The following CASK variants were observed in gnomAD, a reference collection of about 807,000 sequenced individuals.
CASK encodes peripheral plasma membrane protein CASK.
Under a neutral mutation model 82.9 loss-of-function variants are expected in CASK, and 4 were observed. The ratio of observed to expected loss-of-function variants is 0.05; its 90% CI spans 0.02 to 0.11. CASK has a LOEUF of 0.11. Ranked by LOEUF, CASK falls within the 10% of genes least tolerant of loss-of-function variation. The pLI is 1.00. For synonymous variants in CASK, 259 were observed against 253.5 expected, an observed-to-expected ratio of 1.02 and a Z score of -0.20; for missense variants, 358 against 720.9, an observed-to-expected ratio of 0.50 and a Z score of 5.76.
At chrX:41,786,213 A>G (rs2069597203) in intron 3 of CASK, among the ~76,000 whole-genome samples, 1 of 111,698 alleles carries the variant, frequency 9.0e-6, no homozygotes, top group Admixed American at 9.5e-5. Context: ...GTTGGAACAC[A>G]CATTCCTGAT....
intron 11 of CASK, among the ~76,000 whole-genome samples, chrX:41,614,226 A>G (rs950177490): frequency 1.8e-5 from 2 of 110,943 alleles, no homozygotes; most frequent in East Asian, 2.8e-4. Context: ...TCCCCTCCTA[A>G]CCTGTGGCAA....
chrX:41,702,609 C>G (rs961914725), intron 5 of CASK, among the ~76,000 whole-genome samples: 2 of 109,677 alleles, frequency 1.8e-5, no homozygotes, highest in African/African-American at 6.6e-5. Context: ...TCCTGGCCAA[C>G]ATGGTGAAAC....
chrX:41,590,415 CAGG>C (rs1223307460), intron 12 of CASK, among the ~76,000 whole-genome samples: 2 of 99,720 alleles, frequency 2.0e-5, no homozygotes, highest in African/African-American at 7.5e-5. Flanking sequence ...GAGGCTGAGG[CAGG>C]AGAATTGCTT....
chrX:41,536,407 C>T (rs1264041202), intron 22 of CASK, among the ~76,000 whole-genome samples: 3 of 110,847 alleles, frequency 2.7e-5, no homozygotes, highest in Non-Finnish European at 3.8e-5. Flanking sequence ...CGTGCCCGGC[C>T]GAAATCTGCA....
chrX:41,670,494 C>T (rs1418650381), intron 6 of CASK, among the ~76,000 whole-genome samples: 3 of 112,129 alleles, frequency 2.7e-5, no homozygotes, highest in African/African-American at 6.5e-5. Context: ...CACCTGTAAT[C>T]CCAGCACTTT....
At chrX:41,707,040 T>C (rs2067898168) in intron 5 of CASK, among the ~76,000 whole-genome samples, 1 of 111,710 alleles carries the variant, frequency 9.0e-6, no homozygotes, top group Admixed American at 9.5e-5. Flanking sequence ...ATATAACAAG[T>C]CTAGTTAGAA....
At chrX:41,820,425 A>C (rs1450800591) in intron 2 of CASK, among the ~76,000 whole-genome samples, 2 of 111,180 alleles carry the variant, frequency 1.8e-5, no homozygotes, top group African/African-American at 6.5e-5. Flanking sequence ...TAGCATCAAA[A>C]ACATGAGGCC....
At chrX:41,765,016 A>G (rs970198032) in intron 3 of CASK, among the ~76,000 whole-genome samples, 5 of 112,328 alleles carry the variant, frequency 4.5e-5, no homozygotes, top group Non-Finnish European at 9.4e-5. Context: ...AAGAGCAAGT[A>G]TGTTTTTTAT....
At chrX:41,694,317 G>GCT (rs2067637451) in intron 5 of CASK, among the ~76,000 whole-genome samples, 1 of 111,738 alleles carries the variant, frequency 8.9e-6, no homozygotes, top group African/African-American at 3.3e-5. Flanking sequence ...CCTTGCTCTG[G>GCT]GCATCTTTAT....
intron 5 of CASK, among the ~76,000 whole-genome samples, chrX:41,708,714 T>C (rs1423098992): frequency 8.9e-6 from 1 of 112,385 alleles, no homozygotes; most frequent in Non-Finnish European, 1.9e-5. Flanking sequence ...AATAGTGCAA[T>C]GTGGGCAGTT....
intron 1 of CASK, among the ~76,000 whole-genome samples, chrX:41,901,869 T>G (rs779724325): frequency 8.9e-6 from 1 of 111,811 alleles, no homozygotes; most frequent in Non-Finnish European, 1.9e-5. Context: ...GCCTGAGTCT[T>G]AAGGGACTAG....
At chrX:41,770,132 C>T (rs2069196080) in intron 3 of CASK, among the ~76,000 whole-genome samples, 2 of 110,145 alleles carry the variant, frequency 1.8e-5, no homozygotes, top group Admixed American at 2.0e-4. Flanking sequence ...ACTTCATATA[C>T]TGAGATTATC....
chrX:41,642,789 T>C (rs1468902431), intron 8 of CASK, among the ~76,000 whole-genome samples: 4 of 112,294 alleles, frequency 3.6e-5, no homozygotes, highest in Non-Finnish European at 7.5e-5. Context: ...TTGTTGCCAT[T>C]ACTTTTGGTG....
chrX:41,578,917 A>T (rs1332502015), intron 14 of CASK, among the ~76,000 whole-genome samples: 1 of 112,339 alleles, frequency 8.9e-6, no homozygotes, highest in Non-Finnish European at 1.9e-5. Context: ...TGATAAATAG[A>T]TTTTTTAAAA....
intron 25 of CASK, among the ~76,000 whole-genome samples, chrX:41,530,699 G>C (rs1321259828): frequency 5.3e-5 from 6 of 112,332 alleles, no homozygotes; most frequent in Non-Finnish European, 9.4e-5. Context: ...CTCATCCTGA[G>C]GTCAGATGAT....
chrX:41,721,595 G>A (rs1316068141), intron 5 of CASK, among the ~76,000 whole-genome samples: 1 of 111,768 alleles, frequency 8.9e-6, no homozygotes, highest in Admixed American at 9.5e-5. Flanking sequence ...GTACCATAAG[G>A]TACCCTTATT....
chrX:41,903,257 A>T (rs888690718), intron 1 of CASK, among the ~76,000 whole-genome samples: 1 of 112,638 alleles, frequency 8.9e-6, no homozygotes, highest in South Asian at 3.7e-4. Flanking sequence ...ATGTGTGCAC[A>T]TGCACATACT....
rs188175581 is a variant in CASK at position 41,582,191 on chromosome X, C to T, written c.1315-3663G>A. ...TATCCCCCCTACAGTCCGTTCTCTA[C>T]ACATCAGCTCCAGCAAGGCACAGAT... is the stretch of plus-strand genomic sequence containing the variant. On this transcript the variant is annotated intron_variant, in intron 14 of 26. Transcript: ENST00000378163. Among the ~76,000 whole-genome samples, 4 of 112,058 alleles carry T rather than the reference C, an allele frequency of 3.6e-5. No homozygotes were observed. The Admixed American group carries it at 3.8e-4, about 11-fold the overall frequency.
chrX:41,831,961 A>AAAATAAAT (rs940940099), intron 2 of CASK, among the ~76,000 whole-genome samples: 5 of 110,435 alleles, frequency 4.5e-5, no homozygotes, highest in African/African-American at 1.3e-4. Context: ...ACTCCGTCTC[A>AAAATAAAT]AAATAAATAA....
Sources: gnomAD v4.1 joint callset for allele counts (sites outside exome capture counted in the v4.1 genomes callset) on GRCh38, gnomAD v4.1.1 for gene constraint, MANE v1.5 for transcripts, NCBI Gene and HGNC (gene_info 2026-07-23, HGNC 2026-07-21) for gene names.